Variants in CHST9 observed in about 807,000 individuals in gnomAD.
CHST9 encodes the protein carbohydrate sulfotransferase 9.
In CHST9, 41 loss-of-function variants were observed where a neutral mutation model predicts 44.4. The ratio of observed to expected loss-of-function variants is 0.92; its 90% CI spans 0.72 to 1.20. The LOEUF (loss-of-function observed/expected upper bound fraction) is 1.20, where lower values mean the gene tolerates loss of function less well. Among genes scored for constraint, CHST9 ranks in the 50% most tolerant of loss-of-function variants. The pLI is 0.00. For synonymous variants in CHST9, 171 were observed against 178.4 expected (o/e 0.96, Z 0.33); for missense variants, 504 against 516.5 (o/e 0.98, Z 0.23).
chr18:26,935,909 TAAAG>T (rs1253220824), intron 5 of CHST9: 1 of 152,162 alleles, frequency 6.6e-6, no homozygotes, highest in Non-Finnish European at 1.5e-5. Flanking sequence ...CTTTGTCAAA[TAAAG>T]CTTAAATAAA....
intron 1 of CHST9, among the ~76,000 whole-genome samples, chr18:27,165,834 T>C (rs931526518): frequency 6.6e-6 from 1 of 152,212 alleles, no homozygotes; most frequent in African/African-American, 2.4e-5. Context: ...CACTGGCAAA[T>C]AGTTTTTCAT....
intron 1 of CHST9, among the ~76,000 whole-genome samples, chr18:27,168,626 T>C (rs1408621047): frequency 6.6e-6 from 1 of 152,098 alleles, no homozygotes; most frequent in Non-Finnish European, 1.5e-5. Context: ...GTTTTAGATA[T>C]TAATGAGAAA....
At chr18:26,983,845 G>A (rs2056722897) in intron 4 of CHST9, among the ~76,000 whole-genome samples, 2 of 152,178 alleles carry the variant, frequency 1.3e-5, no homozygotes, top group Admixed American at 1.3e-4. Flanking sequence ...TGCCTCATGA[G>A]TGTAGATAAC....
chr18:27,101,600 ACT>A (rs1460305804), intron 2 of CHST9, among the ~76,000 whole-genome samples: 2 of 151,510 alleles, frequency 1.3e-5, no homozygotes, highest in East Asian at 3.9e-4. Context: ...AAAGAGCGAG[ACT>A]CTGTCTCAAA....
chr18:27,158,814 G>C (rs1230474886), intron 1 of CHST9, among the ~76,000 whole-genome samples: 13 of 151,646 alleles, frequency 8.6e-5, no homozygotes, highest in Non-Finnish European at 1.3e-4. Flanking sequence ...GTGTGAGATG[G>C]TATCTCATTG....
chr18:27,144,077 A>G (rs115481349), intron 1 of CHST9, among the ~76,000 whole-genome samples: 157 of 152,322 alleles, frequency 1.0e-3, no homozygotes, highest in African/African-American at 3.7e-3. Context: ...CAGCCCGGCT[A>G]ATGGGGCCAA....
chr18:27,035,825 CA>C (rs1369128999), intron 3 of CHST9, among the ~76,000 whole-genome samples: 4 of 151,896 alleles, frequency 2.6e-5, no homozygotes, highest in African/African-American at 9.7e-5. Context: ...TATAGTTAAC[CA>C]CACTGTATTG....
At chr18:27,004,079 C>G (rs1163867035) in intron 4 of CHST9, among the ~76,000 whole-genome samples, 1 of 150,386 alleles carries the variant, frequency 6.6e-6, no homozygotes, top group Non-Finnish European at 1.5e-5. Flanking sequence ...AGATAAAAAC[C>G]AAAACCAGAA....
At chr18:27,079,714 C>T (rs989549398) in intron 2 of CHST9, among the ~76,000 whole-genome samples, 2 of 152,156 alleles carry the variant, frequency 1.3e-5, no homozygotes, top group Non-Finnish European at 2.9e-5. Flanking sequence ...GCCCGGAGAT[C>T]GGGAGTCTAC....
chr18:27,102,193 T>C (rs1032994563), intron 2 of CHST9, among the ~76,000 whole-genome samples: 1 of 152,238 alleles, frequency 6.6e-6, no homozygotes, highest in Non-Finnish European at 1.5e-5. Context: ...GAGATATGCA[T>C]TCATTTTAAA....
intron 2 of CHST9, among the ~76,000 whole-genome samples, chr18:27,075,163 G>GT (rs1193050675): frequency 1.5e-4 from 20 of 129,190 alleles, no homozygotes; most frequent in East Asian, 4.4e-4. Flanking sequence ...TTTTTTGTTT[G>GT]TTTTTTTTGT....
At chr18:27,051,518 G>A (rs2057566688) in intron 2 of CHST9, among the ~76,000 whole-genome samples, 1 of 152,152 alleles carries the variant, frequency 6.6e-6, no homozygotes, top group South Asian at 2.1e-4. Flanking sequence ...ACTCAAGCAG[G>A]CCTATGGAGA....
intron 2 of CHST9, among the ~76,000 whole-genome samples, chr18:27,135,285 G>A (rs890116042): frequency 6.6e-6 from 1 of 152,188 alleles, no homozygotes; most frequent in Non-Finnish European, 1.5e-5. Flanking sequence ...TGTTTGGGAA[G>A]AGTATATTTT....
At chr18:27,035,497 T>C (rs2057381561) in intron 3 of CHST9, among the ~76,000 whole-genome samples, 1 of 152,168 alleles carries the variant, frequency 6.6e-6, no homozygotes, top group Admixed American at 6.5e-5. Context: ...TTTGTGTGTG[T>C]ATTCCATTGT....
At chr18:27,078,876 T>A (rs2143673640) in intron 2 of CHST9, among the ~76,000 whole-genome samples, 1 of 152,348 alleles carries the variant, frequency 6.6e-6, no homozygotes, top group South Asian at 2.1e-4. Flanking sequence ...TGGGGTTACA[T>A]ATAAGGTTTT....
At chr18:27,075,349 G>C (rs778451347) in intron 2 of CHST9, among the ~76,000 whole-genome samples, 12 of 151,880 alleles carry the variant, frequency 7.9e-5, no homozygotes, top group Non-Finnish European at 1.5e-4. Context: ...CACACAAAGA[G>C]GGGGACAGAG....
At chr18:27,062,516 A>ATT (rs1169454178) in intron 2 of CHST9, among the ~76,000 whole-genome samples, 1 of 152,196 alleles carries the variant, frequency 6.6e-6, no homozygotes, top group African/African-American at 2.4e-5. Flanking sequence ...GCTGCATAGT[A>ATT]TTCCATGGTG....
chr18:27,106,686 G>A (rs1473811691), intron 2 of CHST9, among the ~76,000 whole-genome samples: 1 of 152,088 alleles, frequency 6.6e-6, no homozygotes, highest in Non-Finnish European at 1.5e-5. Context: ...TTAAAGCATT[G>A]CTTATTTGTA....
rs140659968 is a variant in CHST9 at position 27,074,612 on chromosome 18, C to T, written c.122-26109G>A. Among the ~76,000 whole-genome samples, 1,228 of 152,204 alleles carry T rather than the reference C, an allele frequency of 8.1e-3. 17 individuals carry two copies. The highest frequency in any genetic ancestry group is 0.027 in the African/African-American group (1,132 of 41,534). ...TGTCTTCCCCTACTCCAAGTCCTGG[C>T]ATTGACATAAAGCCATCAGCCTGTC... On this transcript the variant is annotated intron_variant, in intron 2 of 5. Coordinates refer to ENST00000618847, the MANE Select transcript of CHST9 (RefSeq NM_031422.6).
Sources: allele counts gnomAD v4.1 joint callset (sites outside exome capture counted in the v4.1 genomes callset), GRCh38; gene constraint gnomAD v4.1.1; transcripts MANE v1.5; gene names NCBI Gene and HGNC (gene_info 2026-07-23, HGNC 2026-07-21).